The following SPIDR variants were observed in gnomAD, a reference collection of about 807,000 sequenced individuals.
SPIDR encodes the protein scaffold protein involved in DNA repair, also known as DNA repair-scaffolding protein.
SPIDR carries 93 observed loss-of-function variants against 104.6 expected under a neutral mutation model. The observed-to-expected ratio is 0.89, with a 90% CI of 0.75 to 1.06. The LOEUF (loss-of-function observed/expected upper bound fraction) is 1.06, where lower values mean the gene tolerates loss of function less well. Ranked by LOEUF, SPIDR falls within the 50% of genes least tolerant of loss-of-function variation. SPIDR has a pLI of 0.00. For missense variants in SPIDR, 1,154 were observed against 1,111.2 expected, an observed-to-expected ratio of 1.04 and a Z score of -0.55; for synonymous variants, 431 against 416.9, an observed-to-expected ratio of 1.03 and a Z score of -0.41.
intron 5 of SPIDR, among the ~76,000 whole-genome samples, chr8:47,379,234 G>A (rs7844071): frequency 8.9e-4 from 135 of 152,238 alleles, no homozygotes; most frequent in African/African-American, 3.0e-3. Flanking sequence ...GAGATTATTC[G>A]CCTATATTCA....
At chr8:47,490,405 A>G (rs777696218) in intron 8 of SPIDR, among the ~76,000 whole-genome samples, 2 of 152,044 alleles carry the variant, frequency 1.3e-5, no homozygotes, top group Non-Finnish European at 2.9e-5. Flanking sequence ...TGGTGGGACT[A>G]AACTGGTTCA....
chr8:47,466,706 C>CAAAAAAAAAAAAAAAAAAA (rs78296344), intron 8 of SPIDR, among the ~76,000 whole-genome samples: 5 of 134,928 alleles, frequency 3.7e-5, no homozygotes, highest in African/African-American at 1.4e-4. Flanking sequence ...ACGAAAAATA[C>CAAAAAAAAAAAAAAAAAAA]AAAAAAAAAA....
intron 8 of SPIDR, among the ~76,000 whole-genome samples, chr8:47,441,985 A>T (rs1362495742): frequency 2.6e-5 from 4 of 152,108 alleles, no homozygotes; most frequent in African/African-American, 9.7e-5. Flanking sequence ...TACTCTTTTA[A>T]TGTAACTGTA....
At chr8:47,289,219 T>G (rs927376176) in intron 3 of SPIDR, among the ~76,000 whole-genome samples, 1 of 152,042 alleles carries the variant, frequency 6.6e-6, no homozygotes, top group Non-Finnish European at 1.5e-5. Context: ...CTGTGTTGCC[T>G]AGGCTGGAGT....
In SPIDR at chr8:47,414,353, A is replaced by T. The variant is rs557524559; in HGVS notation, c.877+6392A>T. 2.3e-3 allele frequency among the ~76,000 whole-genome samples: 351 copies of T among 152,302 alleles called. 5 individuals carry two copies. Among genetic ancestry groups the T allele is most frequent in the East Asian group, 1.2e-3 (6 of 5,186 alleles). ...CTGGTGGTCCAGAATGAAGGGAGAA[A>T]AAGGTGATTTTTTTTGTTTGGCTCA... On this transcript the variant is annotated intron_variant, in intron 7 of 19. Coordinates refer to ENST00000297423, the MANE Select transcript of SPIDR (RefSeq NM_001080394.4).
At chr8:47,644,429 C>T (rs1316789101) in intron 10 of SPIDR, among the ~76,000 whole-genome samples, 1 of 152,212 alleles carries the variant, frequency 6.6e-6, no homozygotes, top group Non-Finnish European at 1.5e-5. Context: ...CCTTCATTTA[C>T]TGAGTGCTTG....
At chr8:47,371,562 C>T (rs2058030153) in intron 5 of SPIDR, among the ~76,000 whole-genome samples, 2 of 152,132 alleles carry the variant, frequency 1.3e-5, no homozygotes, top group Admixed American at 6.5e-5. Flanking sequence ...GCTCTTTGAA[C>T]TCTGCTTATA....
At chr8:47,505,140 C>T (rs1482576858) in intron 8 of SPIDR, among the ~76,000 whole-genome samples, 3 of 152,174 alleles carry the variant, frequency 2.0e-5, no homozygotes, top group Admixed American at 2.0e-4. Context: ...GCTGGGAGAA[C>T]CACTACTCCC....
At chr8:47,402,178 G>T (rs1195480206) in intron 6 of SPIDR, among the ~76,000 whole-genome samples, 1 of 151,162 alleles carries the variant, frequency 6.6e-6, no homozygotes, top group Non-Finnish European at 1.5e-5. Context: ...GTCCCACTAC[G>T]AGAATCTCTG....
chr8:47,313,450 G>A (rs1049491928), intron 5 of SPIDR, among the ~76,000 whole-genome samples: 3 of 152,182 alleles, frequency 2.0e-5, no homozygotes, highest in African/African-American at 7.2e-5. Flanking sequence ...GTGCTCATGG[G>A]TAGAAAGAAT....
intron 10 of SPIDR, among the ~76,000 whole-genome samples, chr8:47,614,998 C>T (rs1052083510): frequency 2.6e-5 from 4 of 151,920 alleles, no homozygotes; most frequent in East Asian, 1.9e-4. Context: ...ACATGCTTTG[C>T]GAAATTTTCC....
At chr8:47,568,440 G>A (rs2058144939) in intron 8 of SPIDR, among the ~76,000 whole-genome samples, 1 of 152,212 alleles carries the variant, frequency 6.6e-6, no homozygotes, top group Non-Finnish European at 1.5e-5. Flanking sequence ...CAAAACAATT[G>A]AATTAATTGT....
At chr8:47,415,975 A>C (rs1554675056) in intron 7 of SPIDR, among the ~76,000 whole-genome samples, 1 of 151,952 alleles carries the variant, frequency 6.6e-6, no homozygotes, top group African/African-American at 2.4e-5. Flanking sequence ...GTTATCTAAA[A>C]ATGCTCACAC....
In SPIDR at chr8:47,293,995, T is replaced by C. The variant is rs2040391796; in HGVS notation, c.490T>C (p.Leu164=). The C allele has an allele frequency of 3.1e-6, 5 of 1,614,074 alleles. No individual in the cohort carries two copies. Among genetic ancestry groups the C allele is most frequent in the Non-Finnish European group, 4.2e-6 (5 of 1,179,980 alleles). ...DCASCASNQS[L]TSDEKLSELP... is the part of the protein sequence containing the mutation. Reference sequence around the variant, plus strand: ...TGCTTCTTGTGCAAGTAATCAGTCTTTGACAAGTGATGAGAAGCTGTCGGA... The same window carrying C: ...TGCTTCTTGTGCAAGTAATCAGTCTCTGACAAGTGATGAGAAGCTGTCGGA... The change falls in exon 5 of 20, where the codon TTG becomes CTG. Residue 164 remains leucine (L), a synonymous_variant. Coordinates refer to ENST00000297423, the MANE Select transcript of SPIDR (RefSeq NM_001080394.4).
intron 8 of SPIDR, among the ~76,000 whole-genome samples, chr8:47,584,840 T>TA (rs2060100319): frequency 1.3e-5 from 2 of 152,192 alleles, no homozygotes; most frequent in Non-Finnish European, 1.5e-5. Context: ...CGTACCCTTT[T>TA]ATTCTCCTGT....
At chr8:47,369,989 T>C (rs1443866274) in intron 5 of SPIDR, among the ~76,000 whole-genome samples, 2 of 148,814 alleles carry the variant, frequency 1.3e-5, no homozygotes, top group African/African-American at 5.0e-5. Flanking sequence ...AGAAATCTCT[T>C]TTTTTTTTTT....
chr8:47,495,388 CA>C (rs111275214), intron 8 of SPIDR, among the ~76,000 whole-genome samples: 7,808 of 135,192 alleles, frequency 0.058, 405 homozygotes, highest in African/African-American at 0.15. Flanking sequence ...CCCTCCCACC[CA>C]AAAAAAAAAA....
In SPIDR at chr8:47,407,913, A is replaced by G. The variant is rs1442155336; in HGVS notation, c.829A>G (p.Ile277Val). The change falls in exon 7 of 20, where the codon ATT becomes GTT. Residue 277 changes from isoleucine (I) to valine (V), a missense_variant. Coordinates refer to ENST00000297423, the MANE Select transcript of SPIDR (RefSeq NM_001080394.4). ...ACTGCAGAATCGAGAGAGATCTGCT[A>G]TTTCTTTGTGGAGACATCAATGTAT... is the stretch of plus-strand genomic sequence containing the variant. The part of the protein sequence containing the change: ...NGLQNRERSA[I>V]SLWRHQCISY... 55 of 1,606,702 alleles carry G rather than the reference A, an allele frequency of 3.4e-5. No individual in the cohort carries two copies. Among genetic ancestry groups the G allele is most frequent in the Middle Eastern group, 1.6e-4 (1 of 6,064 alleles).
intron 19 of SPIDR, chr8:47,729,691 G>A: frequency 3.7e-6 from 2 of 543,480 alleles, no homozygotes; most frequent in Non-Finnish European, 6.4e-6. Flanking sequence ...TGAGGTAGAT[G>A]CAGGAATCTG....
Sources: allele counts gnomAD v4.1 joint callset (sites outside exome capture counted in the v4.1 genomes callset), GRCh38; gene constraint gnomAD v4.1.1; transcripts MANE v1.5; gene names NCBI Gene and HGNC (gene_info 2026-07-23, HGNC 2026-07-21).